CHSY1: variants seen among roughly 807,000 people sequenced by gnomAD.
CHSY1 encodes the protein N-acetylgalactosaminyl-proteoglycan 3-beta-glucuronosyltransferase 1.
Under a neutral mutation model 59.8 loss-of-function variants are expected in CHSY1, and 13 were observed. The observed-to-expected ratio is 0.22, with a 90% confidence interval of 0.14 to 0.35. The LOEUF (loss-of-function observed/expected upper bound fraction) is 0.35. Ranked by LOEUF, CHSY1 falls within the 10% of genes least tolerant of loss-of-function variation. The pLI is 1.00. For synonymous variants in CHSY1, 459 were observed against 401.2 expected (o/e 1.14, Z -1.72); for missense variants, 947 against 1,030.6 (o/e 0.92, Z 1.11).
chr15:101,222,665 G>A (rs1443565629), intron 2 of CHSY1, among the ~76,000 whole-genome samples: 1 of 152,190 alleles, frequency 6.6e-6, no homozygotes, highest in Non-Finnish European at 1.5e-5. Flanking sequence ...AAGAACACGG[G>A]TCAAGTATCT....
At chr15:101,192,130 C>G (rs759899607) in intron 2 of CHSY1, among the ~76,000 whole-genome samples, 1 of 152,230 alleles carries the variant, frequency 6.6e-6, no homozygotes, top group Non-Finnish European at 1.5e-5. Flanking sequence ...TCTCAACACA[C>G]TCATTTAATC....
intron 2 of CHSY1, among the ~76,000 whole-genome samples, chr15:101,226,014 GAGA>G (rs2038838569): frequency 6.6e-6 from 1 of 152,204 alleles, no homozygotes; most frequent in Non-Finnish European, 1.5e-5. Flanking sequence ...CATGTACCTG[GAGA>G]AGGTTTGTTT....
intron 2 of CHSY1, among the ~76,000 whole-genome samples, chr15:101,202,527 G>A (rs1463600261): frequency 9.2e-6 from 1 of 108,354 alleles, no homozygotes; most frequent in Non-Finnish European, 1.9e-5. Context: ...AGGATGGAGG[G>A]CATTTCTGCA....
intron 1 of CHSY1, among the ~76,000 whole-genome samples, chr15:101,240,279 T>TGAG (rs1386106050): frequency 2.0e-5 from 3 of 152,154 alleles, no homozygotes; most frequent in Admixed American, 2.0e-4. Context: ...ACCACCATCC[T>TGAG]GAGGAGGAGG....
At chr15:101,240,911 T>C (rs1288721162) in intron 1 of CHSY1, among the ~76,000 whole-genome samples, 1 of 152,334 alleles carries the variant, frequency 6.6e-6, no homozygotes. Context: ...ATAGCATGAC[T>C]CTTGTCCTAG....
intron 2 of CHSY1, among the ~76,000 whole-genome samples, chr15:101,199,765 TTC>T (rs2038551803): frequency 6.6e-6 from 1 of 152,210 alleles, no homozygotes; most frequent in African/African-American, 2.4e-5. Flanking sequence ...ACGCACCAGA[TTC>T]TGTGTGGCTC....
intron 2 of CHSY1, among the ~76,000 whole-genome samples, chr15:101,183,318 A>C (rs1289735161): frequency 6.6e-6 from 1 of 152,232 alleles, no homozygotes; most frequent in African/African-American, 2.4e-5. Context: ...CCAGTATAAA[A>C]ACTACAGGAA....
intron 2 of CHSY1, among the ~76,000 whole-genome samples, chr15:101,192,716 G>A (rs188500354): frequency 0.013 from 377 of 29,200 alleles, 1 homozygote; most frequent in African/African-American, 0.077. Context: ...ACACAGCAGA[G>A]CCTGGCATTG....
intron 1 of CHSY1, among the ~76,000 whole-genome samples, chr15:101,245,646 G>A (rs1424994889): frequency 6.6e-6 from 1 of 152,190 alleles, no homozygotes; most frequent in Non-Finnish European, 1.5e-5. Context: ...GCTATTGACA[G>A]CCACATCTAT....
chr15:101,244,984 T>C (rs1017337826), intron 1 of CHSY1, among the ~76,000 whole-genome samples: 1 of 152,200 alleles, frequency 6.6e-6, no homozygotes, highest in African/African-American at 2.4e-5. Flanking sequence ...CATTTTAGAC[T>C]TCTTGATAAA....
At chr15:101,225,652 G>A (rs1273684125) in intron 2 of CHSY1, among the ~76,000 whole-genome samples, 1 of 152,064 alleles carries the variant, frequency 6.6e-6, no homozygotes, top group African/African-American at 2.4e-5. Context: ...GTCGACTCCC[G>A]CTTTGCCTTC....
intron 2 of CHSY1, among the ~76,000 whole-genome samples, chr15:101,186,485 G>C (rs1254895233): frequency 6.6e-6 from 1 of 152,138 alleles, no homozygotes; most frequent in Admixed American, 6.5e-5. Context: ...TACTTGAATT[G>C]ATCAAGTCTC....
chr15:101,205,533 G>GA (rs1449832388), intron 2 of CHSY1, among the ~76,000 whole-genome samples: 2 of 152,210 alleles, frequency 1.3e-5, no homozygotes, highest in African/African-American at 4.8e-5. Flanking sequence ...ACCCAAACCT[G>GA]AAGAGTACTG....
chr15:101,242,843 T>A (rs1300689875), intron 1 of CHSY1, among the ~76,000 whole-genome samples: 1 of 152,242 alleles, frequency 6.6e-6, no homozygotes, highest in Non-Finnish European at 1.5e-5. Flanking sequence ...GGGTATGTGG[T>A]TTCCTCTTTC....
intron 2 of CHSY1, among the ~76,000 whole-genome samples, chr15:101,206,282 C>T (rs2038626085): frequency 6.6e-6 from 1 of 152,098 alleles, no homozygotes; most frequent in Non-Finnish European, 1.5e-5. Flanking sequence ...AAGGGAAAAC[C>T]CACCAGGTCT....
Position 101,178,290 on chromosome 15 carries a change from A to C in CHSY1, c.1507T>G (p.Ser503Ala). The C allele has an allele frequency of 6.2e-7, 1 of 1,610,860 alleles. No individual in the cohort carries two copies. Reference sequence around the variant, plus strand: ...AGGGAGTTTGAGAGAAAGGACAAGGATCCAGATTCCTGATTGATTCTCTTG... The same window carrying C: ...AGGGAGTTTGAGAGAAAGGACAAGGCTCCAGATTCCTGATTGATTCTCTTG... ...LAKRINQESG[S>A]LSFLSNSLKK... is the part of the protein sequence containing the mutation. Residue 503 changes from serine to alanine, a missense_variant, in exon 3 of 3, where the codon TCC becomes GCC. Ser to Ala is a moderately conservative substitution (Grantham distance 99, BLOSUM62 1). This residue lies in a region of CHSY1 where 602 missense variants were observed against 676.9 expected (regional missense o/e 0.89). Coordinates refer to ENST00000254190, the MANE Select transcript of CHSY1 (RefSeq NM_014918.5).
intron 2 of CHSY1, among the ~76,000 whole-genome samples, chr15:101,212,656 T>C (rs921228659): frequency 2.6e-5 from 4 of 152,208 alleles, no homozygotes; most frequent in African/African-American, 9.7e-5. Flanking sequence ...GTAAATGTAA[T>C]ATACATCTTA....
At chr15:101,208,869 A>G (rs2038655515) in intron 2 of CHSY1, among the ~76,000 whole-genome samples, 1 of 152,248 alleles carries the variant, frequency 6.6e-6, no homozygotes, top group Non-Finnish European at 1.5e-5. Context: ...ACAAGCACAC[A>G]CATAAGTAAA....
intron 1 of CHSY1, among the ~76,000 whole-genome samples, chr15:101,246,376 A>G (rs2039052153): frequency 7.0e-6 from 1 of 142,842 alleles, no homozygotes; most frequent in Non-Finnish European, 1.5e-5. Context: ...TTTTTAATCA[A>G]AACGTTGATT....
Sources: allele counts gnomAD v4.1 joint callset (sites outside exome capture counted in the v4.1 genomes callset), GRCh38; gene constraint gnomAD v4.1.1; regional missense constraint gnomAD v4.1.1; transcripts MANE v1.5; gene names NCBI Gene and HGNC (gene_info 2026-07-23, HGNC 2026-07-21).